Variants in MYO9A observed in about 807,000 individuals in gnomAD.
MYO9A encodes unconventional myosin-IXa.
MYO9A carries 103 observed loss-of-function variants against 293.3 expected under a neutral mutation model. That is an observed-to-expected ratio of 0.35 (90% confidence interval 0.30 to 0.41). The LOEUF is 0.41. MYO9A is among the 10% of genes least tolerant of loss of function. The pLI, the probability that MYO9A is intolerant of heterozygous loss-of-function variation, is 1.00. For missense variants in MYO9A, 2,685 were observed against 3,033.0 expected (o/e 0.89, Z 2.69); for synonymous variants, 1,001 against 1,035.7 (o/e 0.97, Z 0.64).
intron 15 of MYO9A, among the ~76,000 whole-genome samples, chr15:71,939,366 T>C (rs569307305): frequency 6.6e-6 from 1 of 152,298 alleles, no homozygotes; most frequent in South Asian, 2.1e-4. Flanking sequence ...CCAACCTCCA[T>C]CTTCAACTAG....
intron 39 of MYO9A, among the ~76,000 whole-genome samples, chr15:71,832,405 A>T (rs1335465043): frequency 6.6e-6 from 1 of 152,182 alleles, no homozygotes; most frequent in East Asian, 1.9e-4. Flanking sequence ...ATACCTAGAC[A>T]AACTACTGTT....
At chr15:71,894,863 C>T (rs989291738) in intron 25 of MYO9A, among the ~76,000 whole-genome samples, 1 of 152,148 alleles carries the variant, frequency 6.6e-6, no homozygotes, top group Non-Finnish European at 1.5e-5. Flanking sequence ...TCATCAACAA[C>T]ATATTGATAA....
intron 25 of MYO9A, among the ~76,000 whole-genome samples, chr15:71,895,471 A>G (rs2057296557): frequency 6.6e-6 from 1 of 152,218 alleles, no homozygotes; most frequent in Admixed American, 6.5e-5. Flanking sequence ...CCGATCCTTA[A>G]TGATGAAATG....
At chr15:72,093,908 C>A (rs1596556732) in intron 1 of MYO9A, among the ~76,000 whole-genome samples, 3 of 74,930 alleles carry the variant, frequency 4.0e-5, no homozygotes, top group Admixed American at 1.5e-4. Context: ...ATAAAAAAAA[C>A]CACACAAATA....
chr15:71,954,239 C>T (rs967806203), intron 14 of MYO9A, among the ~76,000 whole-genome samples: 22 of 151,052 alleles, frequency 1.5e-4, no homozygotes, highest in African/African-American at 5.4e-4. Context: ...CTTGCTCTGT[C>T]GCCCAGGCTG....
Position 71,954,771 on chromosome 15 carries a change from A to G in MYO9A, c.2183-2875T>C, listed in dbSNP as rs1185278712. 2.6e-5 allele frequency among the ~76,000 whole-genome samples: 4 copies of G among 152,142 alleles called. No homozygotes were observed. In the East Asian group the frequency reaches 5.8e-4, roughly 22 times the overall value. On this transcript the variant is annotated intron_variant, in intron 14 of 41. Transcript: ENST00000356056. ...GCAATTTTCAATAATTTTTTTAGTG[A>G]CAGAAAAGTTCCATAACTTTGAAGG...
At chr15:71,835,793 A>G (rs1225904113) in intron 39 of MYO9A, among the ~76,000 whole-genome samples, 2 of 152,152 alleles carry the variant, frequency 1.3e-5, no homozygotes, top group Non-Finnish European at 2.9e-5. Context: ...TAAAGAGCCA[A>G]GAATAGTCAA....
At chr15:72,047,774 CTT>C (rs11397735) in intron 1 of MYO9A, among the ~76,000 whole-genome samples, 4 of 74,396 alleles carry the variant, frequency 5.4e-5, no homozygotes, top group African/African-American at 1.7e-4. Flanking sequence ...CAGTTACTTC[CTT>C]TTTTTTTTTT....
At chr15:71,971,085 C>A (rs1055098493) in intron 12 of MYO9A, among the ~76,000 whole-genome samples, 1 of 151,490 alleles carries the variant, frequency 6.6e-6, no homozygotes, top group African/African-American at 2.4e-5. Flanking sequence ...GGCATTAACC[C>A]GGGAAGCAGA....
At chr15:72,018,154 C>T (rs1331952236) in intron 6 of MYO9A, among the ~76,000 whole-genome samples, 1 of 151,386 alleles carries the variant, frequency 6.6e-6, no homozygotes, top group Non-Finnish European at 1.5e-5. Context: ...ATCATACATC[C>T]CCTTAAATCA....
chr15:72,078,250 T>C (rs1288069299), intron 1 of MYO9A, among the ~76,000 whole-genome samples: 1 of 152,120 alleles, frequency 6.6e-6, no homozygotes, highest in Non-Finnish European at 1.5e-5. Context: ...TCCTAGCACT[T>C]TGGAAGGCTG....
At chr15:71,831,378 A>G (rs1046088947) in intron 39 of MYO9A, among the ~76,000 whole-genome samples, 3 of 152,358 alleles carry the variant, frequency 2.0e-5, no homozygotes, top group African/African-American at 4.8e-5. Flanking sequence ...TACAAAGACT[A>G]AAATATTTAT....
At chr15:72,033,403 A>C (rs2077939062) in intron 2 of MYO9A, among the ~76,000 whole-genome samples, 1 of 152,218 alleles carries the variant, frequency 6.6e-6, no homozygotes, top group Admixed American at 6.5e-5. Flanking sequence ...ACAAAGCTAG[A>C]GTACTCATTA....
At chr15:72,003,285 T>TAA (rs564320687) in intron 8 of MYO9A, among the ~76,000 whole-genome samples, 1 of 117,680 alleles carries the variant, frequency 8.5e-6, no homozygotes, top group African/African-American at 3.1e-5. Flanking sequence ...AAAAAAAAAG[T>TAA]AAAAAAAAAA....
At chr15:72,082,892 TA>T (rs2079594643) in intron 1 of MYO9A, among the ~76,000 whole-genome samples, 3 of 149,358 alleles carry the variant, frequency 2.0e-5, no homozygotes, top group Non-Finnish European at 4.4e-5. Flanking sequence ...TCATGGTGGG[TA>T]AGTTTTTTGA....
chr15:71,913,225 T>C (rs1465673916), intron 19 of MYO9A, among the ~76,000 whole-genome samples: 1 of 152,182 alleles, frequency 6.6e-6, no homozygotes, highest in African/African-American at 2.4e-5. Flanking sequence ...GTACTACTTC[T>C]GAACTGTCTA....
rs2054405528 is a variant in MYO9A at position 71,824,848 on chromosome 15, C to T, written c.*1732G>A. On this transcript the variant is annotated 3_prime_UTR_variant, in exon 42 of 42. Transcript: ENST00000356056. The stretch of plus-strand genomic sequence containing the variant: ...TTAGCTGCCACTCAGAATTATGCTC[C>T]AAGTCTAACCTCTGGGGCTGGCCAA... 6.6e-6 allele frequency: 1 copy of T among 152,172 alleles called. No homozygotes were observed. The highest frequency in any genetic ancestry group is 1.5e-5 in the Non-Finnish European group (1 of 68,032). 9.4% of individuals were successfully genotyped at this position (152,172 alleles called of 1,614,324 possible).
chr15:72,061,935 G>A (rs968507904), intron 1 of MYO9A, among the ~76,000 whole-genome samples: 2 of 152,222 alleles, frequency 1.3e-5, no homozygotes, highest in Non-Finnish European at 2.9e-5. Context: ...AGTCCAAGAG[G>A]TGGTGGTCAC....
chr15:72,111,265 A>T (rs1314491074), intron 1 of MYO9A, among the ~76,000 whole-genome samples: 1 of 152,020 alleles, frequency 6.6e-6, no homozygotes, highest in East Asian at 1.9e-4. Context: ...CAAGGCAGGC[A>T]GATCGCTTGA....
Sources: gnomAD v4.1 joint callset for allele counts (sites outside exome capture counted in the v4.1 genomes callset) on GRCh38, gnomAD v4.1.1 for gene constraint, MANE v1.5 for transcripts, NCBI Gene and HGNC (gene_info 2026-07-23, HGNC 2026-07-21) for gene names.